Variants in UNC5A observed in about 807,000 individuals in gnomAD.
The protein encoded by UNC5A is netrin receptor UNC5A.
A neutral mutation model predicts 87.4 loss-of-function variants in UNC5A; 20 were observed. That is an observed-to-expected ratio of 0.23 (90% confidence interval 0.16 to 0.33). The LOEUF (loss-of-function observed/expected upper bound fraction) is 0.33, where lower values mean the gene tolerates loss of function less well. UNC5A is among the 10% of genes least tolerant of loss of function. The pLI is 1.00. For synonymous variants in UNC5A, 438 were observed against 482.3 expected, an observed-to-expected ratio of 0.91 and a Z score of 1.20; for missense variants, 844 against 1,133.4, an observed-to-expected ratio of 0.74 and a Z score of 3.67.
intron 1 of UNC5A, among the ~76,000 whole-genome samples, chr5:176,832,812 C>T (rs964835947): frequency 1.3e-5 from 2 of 152,254 alleles, no homozygotes; most frequent in Middle Eastern, 3.4e-3. Context: ...AAGAGGGAGC[C>T]GTTGGTACTC....
intron 2 of UNC5A, among the ~76,000 whole-genome samples, chr5:176,867,216 C>G (rs765664099): frequency 1.4e-4 from 22 of 152,190 alleles, no homozygotes; most frequent in Non-Finnish European, 2.5e-4. Context: ...ACAGTCTTTT[C>G]TCACTGCTGG....
Position 176,874,076 on chromosome 5 carries a change from A to C in UNC5A, c.995A>C (p.Glu332Ala), listed in dbSNP as rs1009277890. 1.2e-6 allele frequency: 2 copies of C among 1,613,840 alleles called. No homozygotes were observed. Among genetic ancestry groups the C allele is most frequent in the Non-Finnish European group, 8.5e-7 (1 of 1,179,960 alleles). The change falls in exon 7 of 15, where the codon GAG becomes GCG. Residue 332 changes from glutamate to alanine, a missense_variant. Glu to Ala is a moderately radical substitution (Grantham distance 107, BLOSUM62 -1). Around this residue, in one of 3 missense-constraint regions of UNC5A, gnomAD observed 353 missense variants for 387.5 expected, o/e 0.91. Transcript: ENST00000329542. The surrounding 1 kb of genome is among the most constrained non-coding windows in gnomAD (Gnocchi z 7.6). ...VLILVYCRKK[E>A]GLDSDVADSS... ...ATCCTCGTTTATTGCCGGAAGAAGG[A>C]GGGGCTGGACTCAGATGTGGCTGAC...
At chr5:176,817,015 C>T (rs1266539281) in intron 1 of UNC5A, among the ~76,000 whole-genome samples, 1 of 152,206 alleles carries the variant, frequency 6.6e-6, no homozygotes, top group African/African-American at 2.4e-5. Flanking sequence ...GAGGGGGAGC[C>T]ACACAGAGCT....
intron 1 of UNC5A, among the ~76,000 whole-genome samples, chr5:176,840,257 G>A (rs1481131252): frequency 2.6e-5 from 4 of 152,260 alleles, no homozygotes; most frequent in East Asian, 1.9e-4. Flanking sequence ...TAAGGAACCC[G>A]CTGGGCCTGA....
rs1757353454 is a variant in UNC5A at position 176,844,430 on chromosome 5, T to C, written c.71-18194T>C. Among the ~76,000 whole-genome samples, 1 of 152,046 alleles carries C rather than the reference T, an allele frequency of 6.6e-6. No individual in the cohort carries two copies. Among genetic ancestry groups the C allele is most frequent in the East Asian group, 1.9e-4 (1 of 5,160 alleles). Reference sequence around the variant, plus strand: ...GGAAGGAGAGGCCAGGGGAAGTTTATGTCCACCCACGGTGTCCCAGCTGAG... The same window carrying C: ...GGAAGGAGAGGCCAGGGGAAGTTTACGTCCACCCACGGTGTCCCAGCTGAG... On this transcript the variant is annotated intron_variant, in intron 1 of 14. Coordinates refer to ENST00000329542, the MANE Select transcript of UNC5A (RefSeq NM_133369.3). This position sits in a 1 kb window ranked among gnomAD's most constrained non-coding sequence, Gnocchi z 4.2.
chr5:176,812,266 G>A (rs1427046419), intron 1 of UNC5A, among the ~76,000 whole-genome samples: 1 of 152,178 alleles, frequency 6.6e-6, no homozygotes, highest in African/African-American at 2.4e-5. Context: ...ATGATGAGGT[G>A]GGGATATTAG....
chr5:176,862,472 T>C (rs1488433340), intron 1 of UNC5A, 152 bp from the exon 2 acceptor site: 2 of 775,166 alleles, frequency 2.6e-6, no homozygotes, highest in East Asian at 2.7e-5. Flanking sequence ...GGGATGGTCA[T>C]TGGCCTGAGA....
At chr5:176,870,954 G>C (rs867909963) in intron 6 of UNC5A, among the ~76,000 whole-genome samples, 1 of 76,342 alleles carries the variant, frequency 1.3e-5, no homozygotes, top group African/African-American at 5.6e-5. Flanking sequence ...GCCCACACTC[G>C]CCCAACACCA....
intron 1 of UNC5A, among the ~76,000 whole-genome samples, chr5:176,855,995 C>T (rs1237035374): frequency 2.0e-5 from 3 of 152,286 alleles, no homozygotes; most frequent in African/African-American, 4.8e-5. Context: ...GCCACCAGGC[C>T]GCTGGGAGGA....
In UNC5A at chr5:176,862,719, G is replaced by A. The variant is rs375970937; in HGVS notation, c.166G>A (p.Val56Ile). The change falls in exon 2 of 15, where the codon GTC becomes ATC. Residue 56 changes from valine to isoleucine, a missense_variant. Around this residue, in one of 3 missense-constraint regions of UNC5A, gnomAD observed 314 missense variants for 466.5 expected, o/e 0.67. Coordinates refer to ENST00000329542, the MANE Select transcript of UNC5A (RefSeq NM_133369.3). Reference protein sequence around the residue: ...FLVEPEDVYIVKNKPVLLVCK... With the variant: ...FLVEPEDVYIIKNKPVLLVCK... ...GGTGGAGCCCGAGGATGTGTACATC[G>A]TCAAGAACAAGCCAGTGCTGCTTGT... 37 of 1,613,400 alleles carry A rather than the reference G, an allele frequency of 2.3e-5. No individual in the cohort carries two copies. The highest frequency in any genetic ancestry group is 4.0e-5 in the African/African-American group (3 of 74,928).
At chr5:176,868,697 T>C (rs775161257) in intron 4 of UNC5A, 33 bp downstream of exon 4, 1 of 1,591,652 alleles carries the variant, frequency 6.3e-7, no homozygotes, top group Non-Finnish European at 8.6e-7. Context: ...CGTCTGGACC[T>C]GGGCTCCTGC....
At position 176,848,465 on chromosome 5, in the gene UNC5A, C is replaced by G. The variant is rs1358220823; in HGVS notation, c.71-14159C>G. Among the ~76,000 whole-genome samples the G allele has an allele frequency of 1.3e-5, 2 of 152,170 alleles. No individual in the cohort carries two copies. Among genetic ancestry groups the G allele is most frequent in the African/African-American group, 4.8e-5 (2 of 41,444 alleles). On this transcript the variant is annotated intron_variant, in intron 1 of 14. Coordinates refer to ENST00000329542, the MANE Select transcript of UNC5A (RefSeq NM_133369.3). This position sits in a 1 kb window ranked among gnomAD's most constrained non-coding sequence, Gnocchi z 5.8. Reference sequence around the variant, plus strand: ...TGAACAAATGAGGAAAACATGAAATCAATACCAGGAGAAAAAAGTATGGCT... The same window carrying G: ...TGAACAAATGAGGAAAACATGAAATGAATACCAGGAGAAAAAAGTATGGCT...
At chr5:176,829,752 C>T (rs1330568592) in intron 1 of UNC5A, among the ~76,000 whole-genome samples, 2 of 152,116 alleles carry the variant, frequency 1.3e-5, no homozygotes, top group Admixed American at 6.5e-5. Flanking sequence ...CTGAATCAGT[C>T]CCTCAAGTCC....
At chr5:176,877,726 C>A (rs369884419) in intron 10 of UNC5A, 23 bp downstream of exon 10, 2 of 1,572,232 alleles carry the variant, frequency 1.3e-6, no homozygotes, top group African/African-American at 1.4e-5. Flanking sequence ...CTGACCCGGG[C>A]TCCAGAAGGG....
intron 13 of UNC5A, 32 bp from the exon 14 acceptor site, chr5:176,879,278 C>G: frequency 6.4e-7 from 1 of 1,555,048 alleles, no homozygotes; most frequent in South Asian, 1.2e-5. Context: ...GGGGAAAGTT[C>G]TAACAGGCAC....
chr5:176,829,310 ATGAATG>A (rs1756936898), intron 1 of UNC5A, among the ~76,000 whole-genome samples: 1 of 9,200 alleles, frequency 1.1e-4, no homozygotes, highest in Admixed American at 3.6e-3. Context: ...GGGTGGATGG[ATGAATG>A]GATGTATGAA....
At chr5:176,813,675 G>A (rs570409123) in intron 1 of UNC5A, among the ~76,000 whole-genome samples, 126 of 152,310 alleles carry the variant, frequency 8.3e-4, no homozygotes, top group African/African-American at 2.9e-3. Context: ...CACGGCCCTC[G>A]TTCCCAGGAG....
chr5:176,822,708 T>A (rs1438290203), intron 1 of UNC5A, among the ~76,000 whole-genome samples: 1 of 152,208 alleles, frequency 6.6e-6, no homozygotes, highest in African/African-American at 2.4e-5. Context: ...ACCCCCTGCC[T>A]CTGCCCCAGA....
Position 176,824,924 on chromosome 5 carries a change from C to T in UNC5A, c.70+14104C>T, listed in dbSNP as rs1035560700. On this transcript the variant is annotated intron_variant, in intron 1 of 14. Coordinates refer to ENST00000329542, the MANE Select transcript of UNC5A (RefSeq NM_133369.3). This position sits in a 1 kb window ranked among gnomAD's most constrained non-coding sequence, Gnocchi z 4.2. ...TGCCACTCACCCCCGCTCCCGTGCA[C>T]ACCAAGGCTGCGTCTCCCCACCCTG... Among the ~76,000 whole-genome samples, 1 of 152,192 alleles carries T rather than the reference C, an allele frequency of 6.6e-6. No homozygotes were observed. The highest frequency in any genetic ancestry group is 1.5e-5 in the Non-Finnish European group (1 of 68,028).
Sources: gnomAD v4.1 joint callset for allele counts (sites outside exome capture counted in the v4.1 genomes callset) on GRCh38, gnomAD v4.1.1 for gene constraint, gnomAD v4.1.1 regional missense constraint, Gnocchi (gnomAD v3.1) non-coding constraint, MANE v1.5 for transcripts, NCBI Gene and HGNC (gene_info 2026-07-23, HGNC 2026-07-21) for gene names.